C1QTNF6: variants seen among roughly 807,000 people sequenced by gnomAD.
The protein encoded by C1QTNF6 is complement C1q tumor necrosis factor-related protein 6.
Under a neutral mutation model 20.7 loss-of-function variants are expected in C1QTNF6, and 17 were observed. The observed-to-expected ratio is 0.82, with a 90% CI of 0.56 to 1.23. C1QTNF6 has a LOEUF of 1.23. Ranked by LOEUF, C1QTNF6 falls within the 50% of genes most tolerant of loss-of-function variation. The probability of loss-of-function intolerance (pLI) is 0.00; values close to 1 mark genes in which losing one functional copy is unlikely to be tolerated. For synonymous variants in C1QTNF6, 130 were observed against 156.3 expected, an observed-to-expected ratio of 0.83 and a Z score of 1.25; for missense variants, 329 against 389.7, an observed-to-expected ratio of 0.84 and a Z score of 1.31.
Position 37,181,464 on chromosome 22 carries a change from G to C in C1QTNF6, c.*724C>G, listed in dbSNP as rs1569061305. 1 of 152,220 alleles carries C rather than the reference G, an allele frequency of 6.6e-6. No individual in the cohort carries two copies. Among genetic ancestry groups the C allele is most frequent in the Non-Finnish European group, 1.5e-5 (1 of 68,100 alleles). The allele number at this position is 152,220 out of a possible 1,614,324, so 9.4% of individuals were successfully genotyped here. ...GCATTTTGAGAGGCCGAGGCGGGTG[G>C]GTCACCTGAAGTCAGGAGTTCAAGA... On this transcript the variant is annotated 3_prime_UTR_variant, in exon 3 of 3. Coordinates refer to ENST00000337843, the MANE Select transcript of C1QTNF6 (RefSeq NM_031910.4).
chr22:37,185,657 G>C, intron 1 of C1QTNF6: 1 of 1,282,702 alleles, frequency 7.8e-7, no homozygotes, highest in Non-Finnish European at 9.9e-7. Context: ...GAGGAGACTG[G>C]CAGGGCAGGG....
At chr22:37,189,173 T>C (rs1898679780), upstream of C1QTNF6, among the ~76,000 whole-genome samples, 2 of 152,212 alleles carry the variant, frequency 1.3e-5, no homozygotes, top group South Asian at 4.1e-4. Flanking sequence ...GCTGTCTTGG[T>C]GCTGGTAGAA....
upstream of C1QTNF6, chr22:37,188,613 C>G (rs1225495555): frequency 5.9e-6 from 1 of 169,110 alleles, no homozygotes; most frequent in African/African-American, 2.4e-5. Flanking sequence ...AAGTGCTTAA[C>G]TGCTCTGAGT....
In C1QTNF6 at chr22:37,186,797, C is replaced by A. The variant is rs1255900966; in HGVS notation, c.52-1342G>T. 2.0e-5 allele frequency among the ~76,000 whole-genome samples: 3 copies of A among 152,220 alleles called. No individual in the cohort carries two copies. In the East Asian group the frequency reaches 5.8e-4, roughly 29 times the overall value. On this transcript the variant is annotated intron_variant, in intron 1 of 2. Coordinates refer to ENST00000337843, the MANE Select transcript of C1QTNF6 (RefSeq NM_031910.4). ...CTTTGTTTATTTCCTTTTTGTTCTCCTTTAACATTTAGTAGAATTCAAAAA... is the reference window on the plus strand; with the variant it reads ...CTTTGTTTATTTCCTTTTTGTTCTCATTTAACATTTAGTAGAATTCAAAAA...
At chr22:37,194,990 C>T (rs1247922638) in intron 2 of C1QTNF6, among the ~76,000 whole-genome samples, 3 of 152,176 alleles carry the variant, frequency 2.0e-5, no homozygotes, top group African/African-American at 7.2e-5. Flanking sequence ...TTCAGGAGGT[C>T]GCTTGTCAGT....
exon 2 of C1QTNF6, chr22:37,195,437 G>A (rs1925082055): frequency 6.6e-6 from 1 of 152,150 alleles, no homozygotes; most frequent in Non-Finnish European, 1.5e-5. Context: ...GGTGTTTTCT[G>A]GTATCGTCCC....
chr22:37,186,463 G>A (rs1181963914), intron 1 of C1QTNF6, among the ~76,000 whole-genome samples: 1 of 152,348 alleles, frequency 6.6e-6, no homozygotes, highest in African/African-American at 2.4e-5. Context: ...CTGCCAATCA[G>A]ATGCCAAGGT....
upstream of C1QTNF6, chr22:37,188,283 A>AGGAGGGAGAGAGGAGGTGAT: frequency 8.7e-7 from 1 of 1,153,062 alleles, no homozygotes; most frequent in Non-Finnish European, 1.2e-6. Flanking sequence ...GGCCCAGCAG[A>AGGAGGGAGAGAGGAGGTGAT]GGAGGGAGAG....
chr22:37,192,808 G>A (rs1231478594), upstream of C1QTNF6, among the ~76,000 whole-genome samples: 3 of 152,272 alleles, frequency 2.0e-5, no homozygotes, highest in South Asian at 6.2e-4. Context: ...AGAAGATCCA[G>A]TAGTTGTAAG....
chr22:37,192,538 G>A (rs1448269388), upstream of C1QTNF6, among the ~76,000 whole-genome samples: 4 of 152,316 alleles, frequency 2.6e-5, no homozygotes, highest in Non-Finnish European at 4.4e-5. Context: ...TTATGACCTT[G>A]AGGCATTTAG....
intron 2 of C1QTNF6, among the ~76,000 whole-genome samples, chr22:37,193,444 A>G (rs1227374015): frequency 6.6e-6 from 1 of 151,288 alleles, no homozygotes; most frequent in Non-Finnish European, 1.5e-5. Context: ...GAGTGGCAAG[A>G]AGACAAAATG....
upstream of C1QTNF6, among the ~76,000 whole-genome samples, chr22:37,192,132 A>G (rs544069646): frequency 3.9e-5 from 6 of 152,306 alleles, no homozygotes; most frequent in African/African-American, 9.6e-5. Context: ...GCTTTATCCT[A>G]CCTAACTTGA....
chr22:37,194,866 A>G (rs1436242011), intron 2 of C1QTNF6, among the ~76,000 whole-genome samples: 1 of 150,876 alleles, frequency 6.6e-6, no homozygotes, highest in Non-Finnish European at 1.5e-5. Context: ...GAGTGACAGA[A>G]AAGATAGAAA....
Position 37,182,754 on chromosome 22 carries a change from G to T in C1QTNF6, c.290-19C>A. Reference sequence around the variant, plus strand: ...TTGTCACCTGTGGGGATAAAAAGGGGACAAGTCAGGGTGGACATCTGAGCC... The same window carrying T: ...TTGTCACCTGTGGGGATAAAAAGGGTACAAGTCAGGGTGGACATCTGAGCC... On this transcript the variant is annotated intron_variant, in intron 2 of 2. Transcript: ENST00000337843. 1.3e-6 allele frequency: 2 copies of T among 1,570,796 alleles called. No individual in the cohort carries two copies. Among genetic ancestry groups the T allele is most frequent in the Non-Finnish European group, 1.7e-6 (2 of 1,159,422 alleles).
chr22:37,193,916 G>A (rs1305212480), intron 2 of C1QTNF6, among the ~76,000 whole-genome samples: 1 of 152,250 alleles, frequency 6.6e-6, no homozygotes, highest in Non-Finnish European at 1.5e-5. Flanking sequence ...TCCCCAGTGT[G>A]AAGAGACAAA....
intron 1 of C1QTNF6, chr22:37,196,367 G>A (rs1925132537): frequency 6.6e-6 from 1 of 152,152 alleles, no homozygotes; most frequent in Non-Finnish European, 1.5e-5. Flanking sequence ...GCTTCCTGGG[G>A]CCCGAGACTC....
At chr22:37,189,056 T>C (rs1900), upstream of C1QTNF6, among the ~76,000 whole-genome samples, 21,637 of 152,122 alleles carry the variant, frequency 0.14, 1,668 homozygotes, top group South Asian at 0.21. Flanking sequence ...AGGGGTGGAT[T>C]ATTCATGAGT....
In C1QTNF6 at chr22:37,184,460, G is replaced by GCC. The variant is rs1258725332; in HGVS notation, c.289+756_289+757dup. On this transcript the variant is annotated intron_variant, in intron 2 of 2. Transcript: ENST00000337843. The surrounding 1 kb of genome is among the most constrained non-coding windows in gnomAD (Gnocchi z 4.0). ...GTCCTATTGAGAGAGCGGGTAGCCA[G>GCC]CCCGCACCTGGACGGCCCTCACCTG... 2.8e-6 allele frequency: 2 copies of GCC among 716,468 alleles called. No homozygotes were observed. Among genetic ancestry groups the GCC allele is most frequent in the African/African-American group, 3.5e-5 (2 of 57,154 alleles). The allele number at this position is 716,468 out of a possible 1,614,324, so 44.4% of individuals were successfully genotyped here. A position where few individuals can be genotyped will look rare whatever the true frequency, so the allele number is the denominator to read the frequency against.
At chr22:37,189,140 G>A (rs1001497695), upstream of C1QTNF6, among the ~76,000 whole-genome samples, 15 of 152,260 alleles carry the variant, frequency 9.9e-5, no homozygotes, top group Non-Finnish European at 1.5e-4. Context: ...GGTAATTTCC[G>A]GACATTGCCA....
Sources: allele counts gnomAD v4.1 joint callset (sites outside exome capture counted in the v4.1 genomes callset), GRCh38; gene constraint gnomAD v4.1.1; non-coding constraint Gnocchi (gnomAD v3.1); transcripts MANE v1.5; gene names NCBI Gene and HGNC (gene_info 2026-07-23, HGNC 2026-07-21).